Variants in CACNA1B observed in about 807,000 individuals in gnomAD.
CACNA1B encodes calcium voltage-gated channel subunit alpha1 B, also known as voltage-dependent N-type calcium channel subunit alpha-1B.
A neutral mutation model predicts 247.2 loss-of-function variants in CACNA1B; 70 were observed. The ratio of observed to expected loss-of-function variants is 0.28; its 90% CI spans 0.23 to 0.35. CACNA1B has a LOEUF of 0.35. Among genes scored for constraint, CACNA1B ranks in the 10% least tolerant of loss-of-function variants. The pLI is 1.00. For synonymous variants in CACNA1B, 1,231 were observed against 1,294.4 expected (o/e 0.95, Z 1.05); for missense variants, 2,367 against 3,197.4 (o/e 0.74, Z 6.26).
chr9:138,118,012 C>A lies in CACNA1B; in HGVS notation c.5844C>A (p.Pro1948=). The A allele has an allele frequency of 6.2e-7, 1 of 1,601,396 alleles. No homozygotes were observed. The highest frequency in any genetic ancestry group is 8.5e-7 in the Non-Finnish European group (1 of 1,173,868). ...GCACTCAAAGGACCCAGGATGCACC[C>A]CATGAGGCCAGGCCACCCCTGGAGC... ...SWGTQRTQDA[P]HEARPPLERG... The change falls in exon 43 of 47, where the codon CCC becomes CCA. Residue 1948 remains proline, a synonymous_variant. Transcript: ENST00000371372.
chr9:137,998,321 C>A (rs1050157734), intron 15 of CACNA1B, among the ~76,000 whole-genome samples: 2 of 152,084 alleles, frequency 1.3e-5, no homozygotes, highest in African/African-American at 4.8e-5. Context: ...CAAAAGAAAG[C>A]CAGTGTAGGC....
chr9:137,932,972 G>T (rs762554424), intron 6 of CACNA1B, among the ~76,000 whole-genome samples: 5 of 151,422 alleles, frequency 3.3e-5, no homozygotes, highest in African/African-American at 1.2e-4. Context: ...TCTCTCTGTC[G>T]CCTAGGCTGG....
chr9:138,103,303 G>C (rs1454351662), intron 38 of CACNA1B, among the ~76,000 whole-genome samples: 3 of 152,216 alleles, frequency 2.0e-5, no homozygotes, highest in Admixed American at 6.5e-5. Flanking sequence ...CCCCAGCTCA[G>C]CAAGTGCAGA....
chr9:137,987,861 C>T (rs577194507), intron 15 of CACNA1B, among the ~76,000 whole-genome samples: 33 of 152,348 alleles, frequency 2.2e-4, no homozygotes, highest in African/African-American at 7.0e-4. Flanking sequence ...GCCTATGACC[C>T]GTCAGCTCCT....
chr9:138,077,101 C>T (rs905939988), intron 35 of CACNA1B, among the ~76,000 whole-genome samples: 9 of 152,204 alleles, frequency 5.9e-5, no homozygotes, highest in South Asian at 4.1e-4. Flanking sequence ...CCCTGAACTT[C>T]GTGTTCCCTG....
At chr9:138,069,627 G>A in intron 31 of CACNA1B, 131 bp from the exon 32 acceptor site, 1 of 697,414 alleles carries the variant, frequency 1.4e-6, no homozygotes, top group Non-Finnish European at 2.7e-6. Flanking sequence ...CCTACCTGCT[G>A]ACTCACGCCA....
intron 36 of CACNA1B, among the ~76,000 whole-genome samples, chr9:138,079,995 G>C (rs1463170610): frequency 2.0e-5 from 3 of 152,150 alleles, no homozygotes; most frequent in Non-Finnish European, 4.4e-5. Context: ...ACAAGTTTGA[G>C]AGCCGGTAAG....
chr9:138,101,468 C>T (rs1453509023), intron 37 of CACNA1B, among the ~76,000 whole-genome samples: 3 of 152,236 alleles, frequency 2.0e-5, no homozygotes, highest in Non-Finnish European at 1.5e-5. Flanking sequence ...TAGGTCCCTC[C>T]TGCATCAAGG....
chr9:138,092,959 C>T (rs148148835), intron 36 of CACNA1B, among the ~76,000 whole-genome samples: 149 of 152,280 alleles, frequency 9.8e-4, no homozygotes, highest in African/African-American at 3.2e-3. Context: ...GCAAACTATT[C>T]ATCTGACAAG....
At chr9:138,108,512 A>G (rs1445090839) in intron 39 of CACNA1B, among the ~76,000 whole-genome samples, 1 of 152,176 alleles carries the variant, frequency 6.6e-6, no homozygotes, top group Non-Finnish European at 1.5e-5. Flanking sequence ...ATATTTTCCA[A>G]CTTATTTTAT....
chr9:137,922,548 G>A (rs1296640204), intron 6 of CACNA1B, among the ~76,000 whole-genome samples: 1 of 152,176 alleles, frequency 6.6e-6, no homozygotes, highest in Non-Finnish European at 1.5e-5. Flanking sequence ...CTCAGTGGTG[G>A]GACAACGCCC....
intron 37 of CACNA1B, among the ~76,000 whole-genome samples, chr9:138,097,564 G>A (rs977070348): frequency 1.3e-5 from 2 of 152,210 alleles, no homozygotes; most frequent in African/African-American, 2.4e-5. Context: ...CACTCACAGC[G>A]TGTGCCCGGG....
intron 6 of CACNA1B, among the ~76,000 whole-genome samples, chr9:137,921,595 C>T (rs1225783073): frequency 2.8e-5 from 4 of 144,704 alleles, no homozygotes; most frequent in African/African-American, 1.0e-4. Context: ...ATCAACACCA[C>T]GACCGCACAG....
rs1957867776 is a variant in CACNA1B, at chr9:137,950,639, C to T, written c.967-1635C>T. On this transcript the variant is annotated intron_variant, in intron 6 of 46. Coordinates refer to ENST00000371372, the MANE Select transcript of CACNA1B (RefSeq NM_000718.4). This position sits in a 1 kb window ranked among gnomAD's most constrained non-coding sequence, Gnocchi z 4.8. ...GAGAGCTCCCTGTCCTGCTAGGCTG[C>T]CTTGGTTAGGGAGAGCTGGCTTTTG... Among the ~76,000 whole-genome samples, 1 of 152,140 alleles carries T rather than the reference C, an allele frequency of 6.6e-6. No homozygotes were observed. The highest frequency in any genetic ancestry group is 1.5e-5 in the Non-Finnish European group (1 of 68,024).
At position 138,050,553 on chromosome 9, in the gene CACNA1B, T is replaced by C. The variant is rs1959238681; in HGVS notation, c.3710+1238T>C. Reference sequence around the variant, plus strand: ...TTTCTGTGATAAAGGAATGAGAGCTTTGCCAAAGCATCAGCTTAGGCCTTG... The same window carrying C: ...TTTCTGTGATAAAGGAATGAGAGCTCTGCCAAAGCATCAGCTTAGGCCTTG... On this transcript the variant is annotated intron_variant, in intron 24 of 46. Coordinates refer to ENST00000371372, the MANE Select transcript of CACNA1B (RefSeq NM_000718.4). The surrounding 1 kb of genome is among the most constrained non-coding windows in gnomAD (Gnocchi z 5.2). Among the ~76,000 whole-genome samples, 2 of 152,202 alleles carry C rather than the reference T, an allele frequency of 1.3e-5. No homozygotes were observed. Among genetic ancestry groups the C allele is most frequent in the Non-Finnish European group, 2.9e-5 (2 of 68,028 alleles).
chr9:138,052,128 T>C lies in CACNA1B; in HGVS notation c.3747T>C (p.Ser1249=). Residue 1249 remains serine (S), a synonymous_variant, in exon 25 of 47, where the codon TCT becomes TCC. Transcript: ENST00000371372. This position sits in a 1 kb window ranked among gnomAD's most constrained non-coding sequence, Gnocchi z 5.1. ...SKGKDINTIK[S]LRVLRVLRPL... is the part of the protein sequence containing the mutation. The stretch of plus-strand genomic sequence containing the variant: ...GGAAAGACATCAATACCATCAAGTC[T>C]CTGAGAGTCCTTCGTGTCCTGCGGC... 1 of 1,612,466 alleles carries C rather than the reference T, an allele frequency of 6.2e-7. No homozygotes were observed. The highest frequency in any genetic ancestry group is 8.5e-7 in the Non-Finnish European group (1 of 1,178,812).
At position 137,913,089 on chromosome 9, in the gene CACNA1B, G is replaced by A; in HGVS notation, c.531-91G>A. 1.0e-6 allele frequency: 1 copy of A among 972,884 alleles called. No homozygotes were observed. The allele number at this position is 972,884 out of a possible 1,614,324, so 60.3% of individuals were successfully genotyped here. On this transcript the variant is annotated intron_variant, in intron 3 of 46. Transcript: ENST00000371372. This position sits in a 1 kb window ranked among gnomAD's most constrained non-coding sequence, Gnocchi z 5.2. ...AGGAATGAAGGTGTCACTGCTCTTG[G>A]GAGACATGACCCTGGTGGTGGGAGG... is the stretch of plus-strand genomic sequence containing the variant.
chr9:138,047,145 A>G lies in CACNA1B; in HGVS notation c.3543+112A>G. On this transcript the variant is annotated intron_variant, in intron 22 of 46. Coordinates refer to ENST00000371372, the MANE Select transcript of CACNA1B (RefSeq NM_000718.4). ...CTGAGGTCCTGTCGTCTCACAGGGC[A>G]CCCCTCCTTCCTCTGTCTGTGTGCC... 3.0e-6 allele frequency: 3 copies of G among 1,013,736 alleles called. No homozygotes were observed. The South Asian group carries it at 4.9e-5, about 17-fold the overall frequency. The allele number at this position is 1,013,736 out of a possible 1,614,324, so 62.8% of individuals were successfully genotyped here. A position where few individuals can be genotyped will look rare whatever the true frequency, so the allele number is the denominator to read the frequency against.
intron 15 of CACNA1B, among the ~76,000 whole-genome samples, chr9:137,999,635 A>C (rs1958541468): frequency 6.6e-6 from 1 of 152,098 alleles, no homozygotes; most frequent in South Asian, 2.1e-4. Flanking sequence ...TCAGTCTCCC[A>C]AGTAGCTGGG....
Sources: gnomAD v4.1 joint callset for allele counts (sites outside exome capture counted in the v4.1 genomes callset) on GRCh38, gnomAD v4.1.1 for gene constraint, Gnocchi (gnomAD v3.1) non-coding constraint, MANE v1.5 for transcripts, NCBI Gene and HGNC (gene_info 2026-07-23, HGNC 2026-07-21) for gene names.